The following SEC16B variants were observed in gnomAD, a reference collection of about 807,000 sequenced individuals.
SEC16B encodes protein transport protein Sec16B.
In SEC16B, 115 loss-of-function variants were observed where a neutral mutation model predicts 141.8. The observed-to-expected ratio is 0.81, with a 90% CI of 0.70 to 0.95. The LOEUF is 0.95. Ranked by LOEUF, SEC16B falls within the 40% of genes least tolerant of loss-of-function variation. The pLI is 0.00. For synonymous variants in SEC16B, 493 were observed against 492.5 expected (o/e 1.00, Z -0.01); for missense variants, 1,291 against 1,312.3 (o/e 0.98, Z 0.25).
chr1:177,948,733 C>T, intron 12 of SEC16B: 1 of 1,192,640 alleles, frequency 8.4e-7, no homozygotes, highest in Non-Finnish European at 1.1e-6. Context: ...AGTCCTGCAT[C>T]TTACTAGCTT....
intron 24 of SEC16B, among the ~76,000 whole-genome samples, chr1:177,931,923 G>A (rs1186291086): frequency 1.3e-5 from 2 of 152,042 alleles, no homozygotes; most frequent in Admixed American, 1.3e-4. Context: ...CCTGGGACAG[G>A]GAAAAAGGCA....
chr1:177,968,294 A>G (rs1048323071), intron 1 of SEC16B, among the ~76,000 whole-genome samples: 2 of 152,222 alleles, frequency 1.3e-5, no homozygotes, highest in African/African-American at 4.8e-5. Flanking sequence ...GAGGCAAGGG[A>G]GACAGATAAC....
intron 10 of SEC16B, among the ~76,000 whole-genome samples, chr1:177,956,975 T>C (rs1485824365): frequency 6.6e-6 from 1 of 152,180 alleles, no homozygotes; most frequent in African/African-American, 2.4e-5. Flanking sequence ...ATATTTTCTA[T>C]TTAATGATGG....
chr1:177,931,053 A>C (rs1650376325), intron 24 of SEC16B, among the ~76,000 whole-genome samples: 1 of 152,228 alleles, frequency 6.6e-6, no homozygotes, highest in South Asian at 2.1e-4. Flanking sequence ...CTACCATTTG[A>C]TCCAGCAATC....
At chr1:177,954,474 G>C (rs1413387603) in intron 10 of SEC16B, 98 bp from the exon 11 acceptor site, 3 of 962,354 alleles carry the variant, frequency 3.1e-6, no homozygotes, top group Non-Finnish European at 4.8e-6. Flanking sequence ...GCAGAGGCTA[G>C]GCTTCCAGAA....
At chr1:177,961,433 G>A in intron 6 of SEC16B, 157 bp downstream of exon 6, 2 of 677,750 alleles carry the variant, frequency 3.0e-6, no homozygotes, top group South Asian at 4.4e-5. Context: ...AGCAAAAAGA[G>A]AGAAAATGGA....
chr1:177,963,083 G>A (rs191901205), intron 5 of SEC16B, among the ~76,000 whole-genome samples: 1 of 152,026 alleles, frequency 6.6e-6, no homozygotes, highest in Non-Finnish European at 1.5e-5. Flanking sequence ...ACTCCAGCCT[G>A]GGCAACACAG....
intron 12 of SEC16B, among the ~76,000 whole-genome samples, chr1:177,951,245 A>G (rs1343517963): frequency 1.3e-5 from 2 of 152,216 alleles, no homozygotes; most frequent in African/African-American, 4.8e-5. Context: ...GAATGTACAT[A>G]TTAAAAGGGC....
chr1:177,931,217 C>T (rs1042384774), intron 24 of SEC16B, among the ~76,000 whole-genome samples: 12 of 152,144 alleles, frequency 7.9e-5, no homozygotes, highest in African/African-American at 2.9e-4. Flanking sequence ...ATGCGGTATA[C>T]GTATACGATG....
chr1:177,956,680 T>C (rs1280139441), intron 10 of SEC16B, among the ~76,000 whole-genome samples: 1 of 152,190 alleles, frequency 6.6e-6, no homozygotes, highest in Admixed American at 6.5e-5. Context: ...CTTCATCTGT[T>C]TAAAGTACAG....
At chr1:177,955,906 G>A (rs1374363943) in intron 10 of SEC16B, among the ~76,000 whole-genome samples, 2 of 152,180 alleles carry the variant, frequency 1.3e-5, no homozygotes, top group African/African-American at 4.8e-5. Context: ...CAAAAGATTG[G>A]AAGTACTCTT....
chr1:177,967,743 T>C lies in SEC16B; in HGVS notation c.239A>G (p.His80Arg), dbSNP rs1402111141. 2 of 1,613,742 alleles carry C rather than the reference T, an allele frequency of 1.2e-6. No homozygotes were observed. Among genetic ancestry groups the C allele is most frequent in the Non-Finnish European group, 1.7e-6 (2 of 1,179,664 alleles). Residue 80 changes from histidine (H) to arginine (R), a missense_variant, in exon 2 of 26, where the codon CAT (histidine) becomes CGT (arginine). This residue lies in a region of SEC16B where 681 missense variants were observed against 675.5 expected (regional missense o/e 1.01). Transcript: ENST00000308284. ...PHYASRPGDW[H>R]QPVSGVDYYE... Reference sequence around the variant, plus strand: ...ATAGTCAACTCCAGACACAGGCTGATGCCAGTCCCCTGGCCTGGATGCATA... The same window carrying C: ...ATAGTCAACTCCAGACACAGGCTGACGCCAGTCCCCTGGCCTGGATGCATA...
intron 18 of SEC16B, among the ~76,000 whole-genome samples, chr1:177,938,905 C>G (rs1651064343): frequency 6.6e-6 from 1 of 152,216 alleles, no homozygotes; most frequent in African/African-American, 2.4e-5. Flanking sequence ...GGACCTATAA[C>G]AAGATTGGTC....
chr1:177,963,565 T>C (rs1653259430), intron 5 of SEC16B, among the ~76,000 whole-genome samples: 1 of 151,696 alleles, frequency 6.6e-6, no homozygotes, highest in Non-Finnish European at 1.5e-5. Context: ...ATTGCACCAC[T>C]GCACTTCAGC....
chr1:177,941,552 C>T (rs1487382172), intron 16 of SEC16B, among the ~76,000 whole-genome samples: 2 of 152,158 alleles, frequency 1.3e-5, no homozygotes, highest in Non-Finnish European at 2.9e-5. Flanking sequence ...CTCTTTTAAT[C>T]ACTAAAATAT....
At chr1:177,943,015 G>C (rs185275459) in intron 15 of SEC16B, among the ~76,000 whole-genome samples, 1 of 152,256 alleles carries the variant, frequency 6.6e-6, no homozygotes, top group East Asian at 1.9e-4. Flanking sequence ...TTACCCTTCC[G>C]GGCCTCCGTT....
At chr1:177,944,109 A>G (rs568688330) in intron 15 of SEC16B, among the ~76,000 whole-genome samples, 2 of 152,306 alleles carry the variant, frequency 1.3e-5, no homozygotes, top group South Asian at 2.1e-4. Flanking sequence ...GGGCGGAGGT[A>G]GAGGACAGAG....
rs775578589 is a variant in SEC16B, at chr1:177,937,435, G to A, written c.2282C>T (p.Thr761Ile). 1 of 1,607,222 alleles carries A rather than the reference G, an allele frequency of 6.2e-7. No individual in the cohort carries two copies. The highest frequency in any genetic ancestry group is 8.5e-7 in the Non-Finnish European group (1 of 1,176,984). The change falls in exon 19 of 26, where the codon ACA becomes ATA. Residue 761 changes from threonine (T) to isoleucine (I), a missense_variant. By Grantham distance (89) the Thr-to-Ile change is moderately conservative. Transcript: ENST00000308284. ...CTGGAGCAGGCAGGTCTGCTCAGGT[G>A]TCAGCCACAGAGCTGAGCGGTACCC... Reference protein sequence around the residue: ...APGYRSALWLTPEQTCLLQPS... With the variant: ...APGYRSALWLIPEQTCLLQPS...
chr1:177,978,530 C>T (rs1035312041), intron 1 of SEC16B, among the ~76,000 whole-genome samples: 9 of 151,930 alleles, frequency 5.9e-5, no homozygotes, highest in African/African-American at 1.9e-4. Context: ...CATAGTAAGA[C>T]CCTGTCTCTA....
Sources: allele counts gnomAD v4.1 joint callset (sites outside exome capture counted in the v4.1 genomes callset), GRCh38; gene constraint gnomAD v4.1.1; regional missense constraint gnomAD v4.1.1; transcripts MANE v1.5; gene names NCBI Gene and HGNC (gene_info 2026-07-23, HGNC 2026-07-21).